Variants in CNTN5 observed in about 807,000 individuals in gnomAD.
CNTN5 encodes the protein contactin-5.
Under a neutral mutation model 129.1 loss-of-function variants are expected in CNTN5, and 77 were observed. The ratio of observed to expected loss-of-function variants is 0.60; its 90% confidence interval spans 0.50 to 0.72. CNTN5 has a LOEUF of 0.72. CNTN5 is among the 30% of genes least tolerant of loss of function. The pLI, the probability that CNTN5 is intolerant of heterozygous loss-of-function variation, is 0.00. For synonymous variants in CNTN5, 509 were observed against 465.6 expected (o/e 1.09, Z -1.20); for missense variants, 1,478 against 1,328.8 (o/e 1.11, Z -1.75).
chr11:99,978,874 A>G (rs1268312071), intron 8 of CNTN5, among the ~76,000 whole-genome samples: 1 of 152,206 alleles, frequency 6.6e-6, no homozygotes, highest in African/African-American at 2.4e-5. Context: ...TGTGATGATC[A>G]TCATCAGAGG....
At chr11:99,929,430 T>A (rs1950140388) in intron 7 of CNTN5, among the ~76,000 whole-genome samples, 1 of 152,222 alleles carries the variant, frequency 6.6e-6, no homozygotes, top group South Asian at 2.1e-4. Flanking sequence ...GCCAGTTTAC[T>A]GTAATAGTCC....
chr11:99,651,058 GTTAT>G (rs796971969), intron 3 of CNTN5, among the ~76,000 whole-genome samples: 3 of 151,890 alleles, frequency 2.0e-5, no homozygotes, highest in Non-Finnish European at 4.4e-5. Flanking sequence ...CAACTTAGAA[GTTAT>G]TTGTTATTTA....
At chr11:100,021,920 C>G (rs12806505) in intron 9 of CNTN5, among the ~76,000 whole-genome samples, 13,220 of 152,208 alleles carry the variant, frequency 0.087, 652 homozygotes, top group East Asian at 0.2. Context: ...CAGGAAGCAA[C>G]CAGCACAGGA....
chr11:99,681,089 T>C (rs1391029246), intron 3 of CNTN5, among the ~76,000 whole-genome samples: 1 of 152,042 alleles, frequency 6.6e-6, no homozygotes, highest in African/African-American at 2.4e-5. Context: ...TGCTACAATC[T>C]CATGATAAAA....
intron 7 of CNTN5, among the ~76,000 whole-genome samples, chr11:99,917,138 A>C (rs943658426): frequency 2.0e-5 from 3 of 152,098 alleles, no homozygotes; most frequent in African/African-American, 4.8e-5. Context: ...AGTATGCTGC[A>C]TATCAACAGG....
At position 99,787,822 on chromosome 11, in the gene CNTN5, A is replaced by G. The variant is rs113019281; in HGVS notation, c.56-31722A>G. Among the ~76,000 whole-genome samples, 60 of 152,134 alleles carry G rather than the reference A, an allele frequency of 3.9e-4. 1 individual carries two copies. Among genetic ancestry groups the G allele is most frequent in the South Asian group, 1.9e-3 (9 of 4,828 alleles). On this transcript the variant is annotated intron_variant, in intron 3 of 24. Transcript: ENST00000524871. ...TTAAAATCTCTCGTGACCTCATTCT[A>G]TAAGGCTTAAATTCCTGAAAAATTT...
intron 16 of CNTN5, among the ~76,000 whole-genome samples, chr11:100,237,132 T>TGAGCC (rs1379518024): frequency 7.1e-6 from 1 of 139,888 alleles, no homozygotes; most frequent in African/African-American, 2.7e-5. Flanking sequence ...GAGCTTGCAG[T>TGAGCC]GAGCCGAGAT....
intron 2 of CNTN5, among the ~76,000 whole-genome samples, chr11:99,535,651 G>A (rs1947873110): frequency 6.6e-6 from 1 of 152,174 alleles, no homozygotes; most frequent in Admixed American, 6.5e-5. Flanking sequence ...AGAGAGAAGT[G>A]TGGTTGGTTT....
intron 9 of CNTN5, among the ~76,000 whole-genome samples, chr11:100,055,614 CA>C (rs1943186812): frequency 6.6e-6 from 1 of 151,412 alleles, no homozygotes; most frequent in African/African-American, 2.4e-5. Flanking sequence ...ATAATTGTTC[CA>C]ACATCTTTTC....
intron 1 of CNTN5, among the ~76,000 whole-genome samples, chr11:99,280,253 A>C (rs1252094346): frequency 6.6e-6 from 1 of 151,756 alleles, no homozygotes; most frequent in Non-Finnish European, 1.5e-5. Context: ...AAACAAAGGA[A>C]TAAATGGAAT....
chr11:100,198,559 G>A (rs1009154554), intron 15 of CNTN5, among the ~76,000 whole-genome samples: 4 of 152,000 alleles, frequency 2.6e-5, no homozygotes, highest in African/African-American at 9.6e-5. Flanking sequence ...GGCAACCTAA[G>A]GTGAGAAAAG....
chr11:99,388,982 C>CTTATTTTATTTTATTTTATTTTATT (rs527528323), intron 2 of CNTN5, among the ~76,000 whole-genome samples: 2,167 of 120,390 alleles, frequency 0.018, 55 homozygotes, highest in South Asian at 0.035. Flanking sequence ...TTCTCCAGTC[C>CTTATTTTATTTTATTTTATTTTATT]TTATTTTATT....
chr11:99,526,472 A>T (rs529088957), intron 2 of CNTN5, among the ~76,000 whole-genome samples: 1 of 152,234 alleles, frequency 6.6e-6, no homozygotes, highest in African/African-American at 2.4e-5. Flanking sequence ...GTTTTATGCA[A>T]GAATAGCTCA....
intron 7 of CNTN5, among the ~76,000 whole-genome samples, chr11:99,924,003 G>A (rs1159610504): frequency 6.6e-6 from 1 of 152,214 alleles, no homozygotes; most frequent in Non-Finnish European, 1.5e-5. Flanking sequence ...TGTTGGCCAC[G>A]ATGGCCTCAA....
In CNTN5 at chr11:99,421,136, G is replaced by GT. The variant is rs60013434; in HGVS notation, c.-71+95666dup. 7.0e-3 allele frequency among the ~76,000 whole-genome samples: 995 copies of GT among 141,300 alleles called. 2 individuals carry two copies. Among genetic ancestry groups the GT allele is most frequent in the South Asian group, 6.8e-3 (30 of 4,398 alleles). The allele number at this position is 141,300 out of a possible 152,430, so 92.7% of individuals were successfully genotyped here. ...TCCAAGCTCTGTATTATTCATTGAG[G>GT]TTTTTTTTTTTTTTCCGCCTAATAA... On this transcript the variant is annotated intron_variant, in intron 2 of 24. Transcript: ENST00000524871.
At chr11:99,918,194 A>G (rs557507453) in intron 7 of CNTN5, among the ~76,000 whole-genome samples, 6 of 152,220 alleles carry the variant, frequency 3.9e-5, no homozygotes, top group African/African-American at 1.4e-4. Flanking sequence ...TCTTTTATAC[A>G]GCTTCAATTT....
At chr11:99,578,146 A>G (rs984896917) in intron 3 of CNTN5, among the ~76,000 whole-genome samples, 4 of 151,954 alleles carry the variant, frequency 2.6e-5, no homozygotes, top group African/African-American at 9.7e-5. Context: ...TGTCCCTACA[A>G]AGGATGTGAA....
chr11:99,536,883 T>A (rs117797191), intron 2 of CNTN5, among the ~76,000 whole-genome samples: 1 of 149,918 alleles, frequency 6.7e-6, no homozygotes, highest in Non-Finnish European at 1.5e-5. Flanking sequence ...AAGGAAACAA[T>A]TAAAACGTAA....
chr11:99,041,968 C>T (rs559051249), intron 1 of CNTN5, among the ~76,000 whole-genome samples: 2 of 152,234 alleles, frequency 1.3e-5, no homozygotes, highest in South Asian at 2.1e-4. Flanking sequence ...TGGCCTGAAA[C>T]ATTACTTCCT....
Sources: gnomAD v4.1 joint callset for allele counts (sites outside exome capture counted in the v4.1 genomes callset) on GRCh38, gnomAD v4.1.1 for gene constraint, MANE v1.5 for transcripts, NCBI Gene and HGNC (gene_info 2026-07-23, HGNC 2026-07-21) for gene names.